EFCAB6: variants seen among roughly 807,000 people sequenced by gnomAD.
The protein encoded by EFCAB6 is EF-hand calcium binding domain 6, also known as EF-hand calcium-binding domain-containing protein 6.
EFCAB6 carries 156 observed loss-of-function variants against 169.8 expected under a neutral mutation model. That is an observed-to-expected ratio of 0.92 (90% CI 0.81 to 1.05). EFCAB6 has a LOEUF of 1.05. Ranked by LOEUF, EFCAB6 falls within the 50% of genes least tolerant of loss-of-function variation. The pLI, the probability that EFCAB6 is intolerant of heterozygous loss-of-function variation, is 0.00. For synonymous variants in EFCAB6, 698 were observed against 676.4 expected (o/e 1.03, Z -0.50); for missense variants, 1,800 against 1,829.1 (o/e 0.98, Z 0.29).
intron 17 of EFCAB6, among the ~76,000 whole-genome samples, chr22:43,643,861 T>G (rs1012139826): frequency 6.6e-6 from 1 of 151,848 alleles, no homozygotes; most frequent in African/African-American, 2.4e-5. Context: ...TCTCGCTCTG[T>G]CACCCAGGCT....
chr22:43,692,937 C>G (rs920908188), intron 10 of EFCAB6, among the ~76,000 whole-genome samples: 1 of 152,092 alleles, frequency 6.6e-6, no homozygotes, highest in Non-Finnish European at 1.5e-5. Context: ...TGCCAAGGTA[C>G]ATCATAGCTA....
intron 21 of EFCAB6, among the ~76,000 whole-genome samples, chr22:43,611,288 TC>T (rs1485588719): frequency 5.3e-5 from 8 of 152,154 alleles, no homozygotes; most frequent in African/African-American, 1.9e-4. Context: ...ATATAGCTAA[TC>T]ATGGAAGTGA....
chr22:43,769,967 G>C (rs1020085701), intron 4 of EFCAB6, among the ~76,000 whole-genome samples: 2 of 151,506 alleles, frequency 1.3e-5, no homozygotes, highest in African/African-American at 4.9e-5. Context: ...CAATTCTCCC[G>C]CCTCAGCCTC....
intron 8 of EFCAB6, among the ~76,000 whole-genome samples, chr22:43,721,026 G>A (rs1307909684): frequency 6.6e-6 from 1 of 152,044 alleles, no homozygotes; most frequent in Non-Finnish European, 1.5e-5. Context: ...ATTTAAACAA[G>A]GTTTCAGTAC....
chr22:43,736,114 C>T, intron 6 of EFCAB6, 121 bp from the exon 7 acceptor site: 2 of 978,358 alleles, frequency 2.0e-6, no homozygotes, highest in Non-Finnish European at 2.8e-6. Context: ...CAAAGACTCA[C>T]AGTGGTAGGC....
intron 10 of EFCAB6, among the ~76,000 whole-genome samples, chr22:43,708,493 G>A (rs115765807): frequency 6.6e-6 from 1 of 152,006 alleles, no homozygotes; most frequent in African/African-American, 2.4e-5. Flanking sequence ...ATAAGAGGTA[G>A]GGGGAAGAAT....
At chr22:43,611,629 T>C (rs547537154) in intron 21 of EFCAB6, among the ~76,000 whole-genome samples, 1 of 152,094 alleles carries the variant, frequency 6.6e-6, no homozygotes, top group African/African-American at 2.4e-5. Flanking sequence ...AAACCCTATC[T>C]CCACAAAAAA....
chr22:43,539,155 AAGCCAG>A (rs148326494), intron 28 of EFCAB6, among the ~76,000 whole-genome samples: 18,596 of 151,996 alleles, frequency 0.12, 1,352 homozygotes, highest in African/African-American at 0.2. Flanking sequence ...ACTCTCCCCA[AAGCCAG>A]CTGATTAGCA....
intron 12 of EFCAB6, among the ~76,000 whole-genome samples, chr22:43,679,862 C>T (rs2057933795): frequency 6.6e-6 from 1 of 152,020 alleles, no homozygotes; most frequent in African/African-American, 2.4e-5. Flanking sequence ...TGTAAAAGTA[C>T]TTGTATGTTC....
chr22:43,697,665 T>C (rs1344937569), intron 10 of EFCAB6, among the ~76,000 whole-genome samples: 1 of 152,162 alleles, frequency 6.6e-6, no homozygotes, highest in East Asian at 1.9e-4. Context: ...CAGCTGATTA[T>C]TTTGCTCCTA....
chr22:43,726,329 T>G, intron 8 of EFCAB6, among the ~76,000 whole-genome samples: 1 of 133,822 alleles, frequency 7.5e-6, no homozygotes. Context: ...AAAAAGAAAC[T>G]GACTATGAGT....
chr22:43,660,709 C>T (rs999569246), intron 17 of EFCAB6, among the ~76,000 whole-genome samples: 4 of 152,126 alleles, frequency 2.6e-5, no homozygotes, highest in African/African-American at 9.7e-5. Flanking sequence ...GGCTCAAGCA[C>T]CTTGCCCTTC....
intron 6 of EFCAB6, among the ~76,000 whole-genome samples, chr22:43,748,991 G>A (rs2060661444): frequency 1.3e-5 from 2 of 152,170 alleles, no homozygotes; most frequent in Non-Finnish European, 2.9e-5. Context: ...GAGAGGCAAC[G>A]GGAAACCCAG....
At position 43,668,929 on chromosome 22, in the gene EFCAB6, T is replaced by A. The variant is rs1374807308; in HGVS notation, c.1757A>T (p.Gln586Leu). Residue 586 changes from glutamine (Q) to leucine (L), a missense_variant, in exon 16 of 32, where the codon CAG becomes CTG. Coordinates refer to ENST00000262726, the MANE Select transcript of EFCAB6 (RefSeq NM_022785.4). ...TVSPVLVPKD[Q>L]LLSEHLQKDE... is the part of the protein sequence containing the mutation. ...TTTTTGTAAATGTTCACTTAACAGC[T>A]GATCCTTTGGAACAAGAACTGGAGA... 6.2e-7 allele frequency: 1 copy of A among 1,612,674 alleles called. No homozygotes were observed. Among genetic ancestry groups the A allele is most frequent in the Non-Finnish European group, 8.5e-7 (1 of 1,179,432 alleles).
chr22:43,541,936 G>C (rs1250064215), intron 27 of EFCAB6, among the ~76,000 whole-genome samples: 2 of 152,260 alleles, frequency 1.3e-5, no homozygotes, highest in African/African-American at 2.4e-5. Context: ...AAGTTCCTAA[G>C]AGACTCACAT....
rs185403179 is a variant in EFCAB6 at position 43,760,450 on chromosome 22, G to A, written c.441-4618C>T. On this transcript the variant is annotated intron_variant, in intron 5 of 31. Transcript: ENST00000262726. ...GTTTTGATGTCTGCAGTTTCACTGC[G>A]ATAATGTCTAGATAGGCATTTCTTT... Among the ~76,000 whole-genome samples, 221 of 152,226 alleles carry A rather than the reference G, an allele frequency of 1.5e-3. 1 individual carries two copies. Among genetic ancestry groups the A allele is most frequent in the African/African-American group, 5.0e-3 (209 of 41,532 alleles).
chr22:43,810,426 A>G (rs1017619287), intron 1 of EFCAB6, among the ~76,000 whole-genome samples: 11 of 152,258 alleles, frequency 7.2e-5, no homozygotes, highest in African/African-American at 1.9e-4. Context: ...TGAAGCTTTT[A>G]ATACTGAAAG....
At chr22:43,685,493 A>T (rs2147126898) in intron 11 of EFCAB6, among the ~76,000 whole-genome samples, 1 of 152,252 alleles carries the variant, frequency 6.6e-6, no homozygotes, top group African/African-American at 2.4e-5. Context: ...CATTATCACA[A>T]CGTTGCCTTA....
At chr22:43,619,431 T>A (rs924276388) in intron 20 of EFCAB6, among the ~76,000 whole-genome samples, 1 of 152,096 alleles carries the variant, frequency 6.6e-6, no homozygotes, top group African/African-American at 2.4e-5. Flanking sequence ...CAAAGTGATA[T>A]AAAATACCAG....
Sources: gnomAD v4.1 joint callset for allele counts (sites outside exome capture counted in the v4.1 genomes callset) on GRCh38, gnomAD v4.1.1 for gene constraint, MANE v1.5 for transcripts, NCBI Gene and HGNC (gene_info 2026-07-23, HGNC 2026-07-21) for gene names.